SEMA5A: variants seen among roughly 807,000 people sequenced by gnomAD.
SEMA5A encodes semaphorin 5A, also known as semaphorin-5A.
A neutral mutation model predicts 135.5 loss-of-function variants in SEMA5A; 55 were observed. The observed-to-expected ratio is 0.41, with a 90% CI of 0.33 to 0.51. SEMA5A has a LOEUF of 0.51. SEMA5A is among the 20% of genes least tolerant of loss of function. The pLI is 0.37. For synonymous variants in SEMA5A, 580 were observed against 546.5 expected (o/e 1.06, Z -0.85); for missense variants, 1,290 against 1,419.9 (o/e 0.91, Z 1.47).
chr5:9,218,949 C>T (rs987918174), intron 8 of SEMA5A, among the ~76,000 whole-genome samples: 1 of 152,218 alleles, frequency 6.6e-6, no homozygotes, highest in African/African-American at 2.4e-5. Context: ...AGTAGCTCCC[C>T]TTATTTGTGG....
intron 1 of SEMA5A, among the ~76,000 whole-genome samples, chr5:9,537,834 A>T (rs1028158979): frequency 7.2e-5 from 11 of 152,238 alleles, no homozygotes; most frequent in African/African-American, 2.7e-4. Flanking sequence ...TGGATAAAAA[A>T]ATACTCTATT....
rs1738325797 is a variant in SEMA5A, at chr5:9,545,269, T to C, written c.-175+315A>G. Among the ~76,000 whole-genome samples, 2 of 152,040 alleles carry C rather than the reference T, an allele frequency of 1.3e-5. No individual in the cohort carries two copies. Among genetic ancestry groups the C allele is most frequent in the South Asian group, 4.1e-4 (2 of 4,830 alleles). Reference sequence around the variant, plus strand: ...ACCAGTGTGCGCACCTTTCCGGGTGTTGGGCAGGGGTCCCGTCTCGCCCAC... The same window carrying C: ...ACCAGTGTGCGCACCTTTCCGGGTGCTGGGCAGGGGTCCCGTCTCGCCCAC... On this transcript the variant is annotated intron_variant, in intron 1 of 22. Coordinates refer to ENST00000382496, the MANE Select transcript of SEMA5A (RefSeq NM_003966.3). The surrounding 1 kb of genome is among the most constrained non-coding windows in gnomAD (Gnocchi z 4.5).
chr5:9,418,961 GAAACCTTTCT>G (rs1757374273), intron 2 of SEMA5A, among the ~76,000 whole-genome samples: 1 of 152,154 alleles, frequency 6.6e-6, no homozygotes, highest in South Asian at 2.1e-4. Context: ...TTGTTAATTT[GAAACCTTTCT>G]AAACCTTTCT....
At chr5:9,439,552 C>T (rs1758157674) in intron 1 of SEMA5A, among the ~76,000 whole-genome samples, 1 of 152,156 alleles carries the variant, frequency 6.6e-6, no homozygotes, top group Admixed American at 6.5e-5. Flanking sequence ...CTCCTGCCTC[C>T]CCCAGTGAGG....
At chr5:9,392,859 A>G (rs1338985656) in intron 2 of SEMA5A, among the ~76,000 whole-genome samples, 1 of 152,224 alleles carries the variant, frequency 6.6e-6, no homozygotes, top group Non-Finnish European at 1.5e-5. Flanking sequence ...AATAAAGGCA[A>G]TGAATCATCC....
intron 10 of SEMA5A, among the ~76,000 whole-genome samples, chr5:9,196,668 T>C (rs1745402743): frequency 6.6e-6 from 1 of 152,144 alleles, no homozygotes; most frequent in Non-Finnish European, 1.5e-5. Flanking sequence ...AGTTTTGTGA[T>C]AACAGATGAA....
chr5:9,154,928 G>A (rs1383008502), intron 11 of SEMA5A, among the ~76,000 whole-genome samples: 3 of 152,152 alleles, frequency 2.0e-5, no homozygotes, highest in Non-Finnish European at 4.4e-5. Flanking sequence ...TGTAGCAAGG[G>A]ATGAGGACTA....
chr5:9,182,173 G>GCTTC (rs1744561175), intron 11 of SEMA5A, among the ~76,000 whole-genome samples: 2 of 129,264 alleles, frequency 1.5e-5, no homozygotes, highest in African/African-American at 6.4e-5. Flanking sequence ...AAAAAAATAC[G>GCTTC]CTTCCTGAGG....
chr5:9,112,424 C>A (rs1740291947), intron 15 of SEMA5A, among the ~76,000 whole-genome samples: 1 of 152,204 alleles, frequency 6.6e-6, no homozygotes, highest in African/African-American at 2.4e-5. Context: ...CTGAACCAAT[C>A]AGGGCCTCTT....
rs1236941585 is a variant in SEMA5A at position 9,114,682 on chromosome 5, G to A, written c.1925+4316C>T. On this transcript the variant is annotated intron_variant, in intron 15 of 22. Coordinates refer to ENST00000382496, the MANE Select transcript of SEMA5A (RefSeq NM_003966.3). ...AGGTGCTGCTTGGTCTCTTCATGCT[G>A]CTTACAGTGAAATGTAGGTGAAGAA... Among the ~76,000 whole-genome samples, 3 of 152,162 alleles carry A rather than the reference G, an allele frequency of 2.0e-5. No individual in the cohort carries two copies. The East Asian group carries it at 5.8e-4, about 29-fold the overall frequency.
At chr5:9,165,223 T>C (rs1353567768) in intron 11 of SEMA5A, among the ~76,000 whole-genome samples, 1 of 151,954 alleles carries the variant, frequency 6.6e-6, no homozygotes, top group Non-Finnish European at 1.5e-5. Flanking sequence ...TAAGGTGCAA[T>C]AAAAAACTTA....
intron 21 of SEMA5A, among the ~76,000 whole-genome samples, chr5:9,047,252 G>T (rs181742109): frequency 6.6e-6 from 1 of 152,354 alleles, no homozygotes; most frequent in Non-Finnish European, 1.5e-5. Context: ...ACATAGGGAA[G>T]ATGCATGATA....
At chr5:9,388,768 G>T (rs1171604564) in intron 2 of SEMA5A, among the ~76,000 whole-genome samples, 1 of 151,982 alleles carries the variant, frequency 6.6e-6, no homozygotes, top group African/African-American at 2.4e-5. Context: ...GCATGGTAGC[G>T]GGCACCTGCA....
chr5:9,264,649 T>C (rs897579212), intron 5 of SEMA5A, among the ~76,000 whole-genome samples: 7 of 151,528 alleles, frequency 4.6e-5, no homozygotes, highest in Non-Finnish European at 1.0e-4. Context: ...CCTGAGGTCA[T>C]AGTGACACCT....
intron 12 of SEMA5A, among the ~76,000 whole-genome samples, chr5:9,145,970 A>C (rs985195587): frequency 3.9e-5 from 6 of 152,078 alleles, no homozygotes; most frequent in Admixed American, 2.0e-4. Flanking sequence ...TCTTTCTGAT[A>C]TCCTTTAGTT....
At chr5:9,073,889 T>C (rs1051114242) in intron 16 of SEMA5A, among the ~76,000 whole-genome samples, 4 of 152,000 alleles carry the variant, frequency 2.6e-5, no homozygotes, top group African/African-American at 9.7e-5. Flanking sequence ...ATACTTAAGA[T>C]TAAATCTCAA....
intron 11 of SEMA5A, among the ~76,000 whole-genome samples, chr5:9,161,260 G>T (rs970794291): frequency 2.0e-5 from 3 of 152,010 alleles, no homozygotes; most frequent in Non-Finnish European, 2.9e-5. Flanking sequence ...CGGGAACTGG[G>T]GAAGCAGCAA....
intron 4 of SEMA5A, among the ~76,000 whole-genome samples, chr5:9,330,567 G>A (rs1397155977): frequency 3.3e-5 from 5 of 152,100 alleles, no homozygotes; most frequent in Admixed American, 3.3e-4. Flanking sequence ...AGCAGAGCTG[G>A]GAGGGGCATC....
At chr5:9,111,659 A>C (rs2150162442) in intron 15 of SEMA5A, among the ~76,000 whole-genome samples, 1 of 152,272 alleles carries the variant, frequency 6.6e-6, no homozygotes, top group South Asian at 2.1e-4. Context: ...CTGAAATTGC[A>C]GCCTCCCCAT....
Sources: gnomAD v4.1 joint callset for allele counts (sites outside exome capture counted in the v4.1 genomes callset) on GRCh38, gnomAD v4.1.1 for gene constraint, Gnocchi (gnomAD v3.1) non-coding constraint, MANE v1.5 for transcripts, NCBI Gene and HGNC (gene_info 2026-07-23, HGNC 2026-07-21) for gene names.